The following FSHR variants were observed in gnomAD, a reference collection of about 807,000 sequenced individuals.
FSHR encodes the protein follicle stimulating hormone receptor, also known as follicle-stimulating hormone receptor.
Under a neutral mutation model 52.1 loss-of-function variants are expected in FSHR, and 46 were observed. The observed-to-expected ratio is 0.88, with a 90% CI of 0.70 to 1.13. FSHR has a LOEUF of 1.13. Among genes scored for constraint, FSHR ranks in the 50% most tolerant of loss-of-function variants. The pLI, the probability that FSHR is intolerant of heterozygous loss-of-function variation, is 0.00. For missense variants in FSHR, 964 were observed against 834.6 expected (o/e 1.16, Z -1.91); for synonymous variants, 399 against 309.6 (o/e 1.29, Z -3.03).
intron 1 of FSHR, among the ~76,000 whole-genome samples, chr2:49,134,816 C>CA (rs1672427315): frequency 6.6e-6 from 1 of 151,766 alleles, no homozygotes; most frequent in African/African-American, 2.4e-5. Flanking sequence ...ATCGCAAGAA[C>CA]AAAAAACCAA....
chr2:48,989,205 T>C (rs762485324), intron 5 of FSHR, 151 bp from the exon 6 acceptor site: 3 of 642,816 alleles, frequency 4.7e-6, no homozygotes, highest in South Asian at 1.9e-5. Context: ...GCTCAAAGTT[T>C]GGAGAAAAAA....
chr2:48,986,331 C>A (rs557793097), intron 6 of FSHR, among the ~76,000 whole-genome samples: 1 of 151,102 alleles, frequency 6.6e-6, no homozygotes, highest in East Asian at 1.9e-4. Flanking sequence ...TGTAGTATTC[C>A]CAGAATTTTG....
At chr2:49,067,903 G>C (rs1350060205) in intron 2 of FSHR, among the ~76,000 whole-genome samples, 1 of 151,880 alleles carries the variant, frequency 6.6e-6, no homozygotes, top group Non-Finnish European at 1.5e-5. Context: ...CTCTGAAAGA[G>C]AGTGGATGTC....
At chr2:48,991,396 A>C (rs1319969739) in intron 4 of FSHR, among the ~76,000 whole-genome samples, 1 of 151,976 alleles carries the variant, frequency 6.6e-6, no homozygotes, top group Non-Finnish European at 1.5e-5. Context: ...CAAGGACTTG[A>C]GTTAGGATAT....
At chr2:49,148,066 TG>T (rs1672932936) in intron 1 of FSHR, among the ~76,000 whole-genome samples, 1 of 151,960 alleles carries the variant, frequency 6.6e-6, no homozygotes, top group African/African-American at 2.4e-5. Context: ...TGACCTTAAT[TG>T]GCAAAAATTA....
At chr2:49,015,934 C>T (rs1277570434) in intron 4 of FSHR, among the ~76,000 whole-genome samples, 1 of 152,182 alleles carries the variant, frequency 6.6e-6, no homozygotes, top group African/African-American at 2.4e-5. Flanking sequence ...CCCATGAAGC[C>T]AGCCTACCTC....
At chr2:49,090,576 C>T (rs1056683792) in intron 1 of FSHR, among the ~76,000 whole-genome samples, 1 of 152,180 alleles carries the variant, frequency 6.6e-6, no homozygotes, top group African/African-American at 2.4e-5. Flanking sequence ...CTGCTATAAA[C>T]ACTTATGTGG....
intron 1 of FSHR, among the ~76,000 whole-genome samples, chr2:49,121,540 T>C (rs1314606173): frequency 6.6e-6 from 1 of 152,202 alleles, no homozygotes; most frequent in Non-Finnish European, 1.5e-5. Context: ...ATTAGGTGTC[T>C]ACTAGATTCC....
intron 1 of FSHR, among the ~76,000 whole-genome samples, chr2:49,128,220 T>C (rs1295097137): frequency 1.3e-5 from 2 of 152,052 alleles, no homozygotes; most frequent in African/African-American, 4.8e-5. Context: ...GGTTAGTTTT[T>C]CTGTGCTTCA....
chr2:49,040,809 A>G (rs1302604546), intron 2 of FSHR, among the ~76,000 whole-genome samples: 1 of 150,232 alleles, frequency 6.7e-6, no homozygotes, highest in Non-Finnish European at 1.5e-5. Flanking sequence ...GAAGAGAATC[A>G]AAATAAGGAG....
intron 1 of FSHR, among the ~76,000 whole-genome samples, chr2:49,081,555 T>G (rs1670170545): frequency 6.6e-6 from 1 of 152,184 alleles, no homozygotes; most frequent in Non-Finnish European, 1.5e-5. Flanking sequence ...AAACAGCTAT[T>G]TAAAAGTATC....
At position 48,962,502 on chromosome 2, in the gene FSHR, A is replaced by G. The variant is rs1674268224; in HGVS notation, c.*231T>C. ...GTGCAAAAATAACATATATAAGGAT[A>G]AAATATGTAATACAGTATTGCATTC... On this transcript the variant is annotated 3_prime_UTR_variant, in exon 10 of 10. Transcript: ENST00000406846. 1.9e-6 allele frequency: 1 copy of G among 536,672 alleles called. No individual in the cohort carries two copies. The highest frequency in any genetic ancestry group is 1.9e-5 in the African/African-American group (1 of 52,722). The allele number at this position is 536,672 out of a possible 1,614,324, so 33.2% of individuals were successfully genotyped here.
At chr2:49,131,611 T>G (rs1352354196) in intron 1 of FSHR, among the ~76,000 whole-genome samples, 1 of 152,298 alleles carries the variant, frequency 6.6e-6, no homozygotes, top group African/African-American at 2.4e-5. Flanking sequence ...TTAAAAGAAC[T>G]GCATTATTTC....
intron 1 of FSHR, among the ~76,000 whole-genome samples, chr2:49,131,818 C>T (rs1672290327): frequency 6.6e-6 from 1 of 152,192 alleles, no homozygotes; most frequent in Non-Finnish European, 1.5e-5. Flanking sequence ...TTTCTACCAA[C>T]TATGGCTTCT....
chr2:49,084,315 A>T (rs934502109), intron 1 of FSHR, among the ~76,000 whole-genome samples: 1 of 152,122 alleles, frequency 6.6e-6, no homozygotes, highest in African/African-American at 2.4e-5. Context: ...AAGACACAAC[A>T]TACCAGAATC....
chr2:49,056,486 A>ATATATC (rs1411451473), intron 2 of FSHR, among the ~76,000 whole-genome samples: 2 of 119,042 alleles, frequency 1.7e-5, no homozygotes, highest in Non-Finnish European at 3.5e-5. Context: ...ATATATATAT[A>ATATATC]TCCAACACCA....
At chr2:49,091,462 C>A (rs544477320) in intron 1 of FSHR, among the ~76,000 whole-genome samples, 1 of 152,126 alleles carries the variant, frequency 6.6e-6, no homozygotes, top group South Asian at 2.1e-4. Context: ...TGTCACCATG[C>A]CTGGCTATAT....
chr2:49,121,796 ATT>A lies in FSHR; in HGVS notation c.152+32468_152+32469del, dbSNP rs5831024. Among the ~76,000 whole-genome samples the A allele has an allele frequency of 4.0e-5, 6 of 150,446 alleles. No homozygotes were observed. In the East Asian group the frequency reaches 5.8e-4, roughly 15 times the overall value. On this transcript the variant is annotated intron_variant, in intron 1 of 9. Coordinates refer to ENST00000406846, the MANE Select transcript of FSHR (RefSeq NM_000145.4). ...GAGTCTTTCATTTTTAATAGCAAAGATTTTTTTTTTTCCTTAAGAAAAATATC... is the reference window on the plus strand; with the variant it reads ...GAGTCTTTCATTTTTAATAGCAAAGATTTTTTTTTCCTTAAGAAAAATATC...
chr2:49,127,172 A>T (rs939427068), intron 1 of FSHR, among the ~76,000 whole-genome samples: 5 of 152,248 alleles, frequency 3.3e-5, no homozygotes, highest in Admixed American at 3.3e-4. Context: ...TACTAAAAAT[A>T]CAAAAATTAG....
Sources: gnomAD v4.1 joint callset for allele counts (sites outside exome capture counted in the v4.1 genomes callset) on GRCh38, gnomAD v4.1.1 for gene constraint, MANE v1.5 for transcripts, NCBI Gene and HGNC (gene_info 2026-07-23, HGNC 2026-07-21) for gene names.